RAP2C: variants seen among roughly 807,000 people sequenced by gnomAD.
RAP2C encodes the protein ras-related protein Rap-2c.
In RAP2C, 3 loss-of-function variants were observed where a neutral mutation model predicts 8.9. The ratio of observed to expected loss-of-function variants is 0.34; its 90% CI spans 0.15 to 0.87. The LOEUF is 0.87. Ranked by LOEUF, RAP2C falls within the 40% of genes least tolerant of loss-of-function variation. The pLI is 0.51. For synonymous variants in RAP2C, 60 were observed against 52.1 expected, an observed-to-expected ratio of 1.15 and a Z score of -0.65; for missense variants, 76 against 133.7, an observed-to-expected ratio of 0.57 and a Z score of 2.13.
Position 132,217,254 on chromosome X carries a change from C to G in RAP2C, c.15G>C (p.Lys5Asn), listed in dbSNP as rs770378656. ...CCCCTCCACTCCCTAACACCACTAC[C>G]TTGTATTCCCTCATGAGTCTCACCT... is the stretch of plus-strand genomic sequence containing the variant. Reference protein sequence around the residue: MREYKVVVLGSGGVG... With the variant: MREYNVVVLGSGGVG... Residue 5 changes from lysine (K) to asparagine (N), a missense_variant, in exon 4 of 6, where the codon AAG becomes AAC. Transcript: ENST00000370874. 1 of 1,118,658 alleles carries G rather than the reference C, an allele frequency of 8.9e-7. No individual in the cohort carries two copies. Among genetic ancestry groups the G allele is most frequent in the East Asian group, 3.2e-5 (1 of 30,919 alleles). 92.2% of individuals were successfully genotyped at this position (1,118,658 alleles called of 1,213,427 possible).
intron 5 of RAP2C, among the ~76,000 whole-genome samples, chrX:132,212,056 A>T (rs1432041661): frequency 9.1e-6 from 1 of 110,447 alleles, no homozygotes; most frequent in Non-Finnish European, 1.9e-5. Context: ...AAAAAAAAAA[A>T]ACCTGCATAT....
Position 132,217,095 on chromosome X carries a change from G to A in RAP2C, c.174C>T (p.Thr58=), listed in dbSNP as rs764363956. The A allele has an allele frequency of 3.3e-6, 4 of 1,199,820 alleles. No individual in the cohort carries two copies. The highest frequency in any genetic ancestry group is 4.5e-6 in the Non-Finnish European group (4 of 889,983). ...SSPSVLEILD[T]AGTEQFASMR... is the part of the protein sequence containing the mutation. The stretch of plus-strand genomic sequence containing the variant: ...TGGAGGCAAACTGCTCAGTTCCTGC[G>A]GTGTCCAGAATTTCCAGCACGGAGG... Residue 58 remains threonine, a synonymous_variant, in exon 4 of 6, where the codon ACC becomes ACT. Coordinates refer to ENST00000370874, the MANE Select transcript of RAP2C (RefSeq NM_001271186.2).
chrX:132,208,141 T>C (rs1930324571), intron 5 of RAP2C, among the ~76,000 whole-genome samples: 2 of 111,464 alleles, frequency 1.8e-5, no homozygotes, highest in Non-Finnish European at 3.8e-5. Context: ...AGATCATTAT[T>C]TATGTCAGCC....
intron 5 of RAP2C, 47 bp downstream of exon 5, chrX:132,214,086 CA>C: frequency 9.4e-7 from 1 of 1,062,645 alleles, no homozygotes. Context: ...TTTACTTGAT[CA>C]AAAAACAAAA....
In RAP2C at chrX:132,206,414, T is replaced by C. The variant is rs1193872972; in HGVS notation, c.*35-827A>G. Among the ~76,000 whole-genome samples, 10 of 111,940 alleles carry C rather than the reference T, an allele frequency of 8.9e-5. No homozygotes were observed. The Admixed American group carries it at 9.5e-4, about 11-fold the overall frequency. On this transcript the variant is annotated intron_variant, in intron 5 of 5. Transcript: ENST00000370874. Reference sequence around the variant, plus strand: ...TCTTATAGCGTACAGATTTCTGCCCTTCCAGCTAATACTAGGGAAAAAAAA... The same window carrying C: ...TCTTATAGCGTACAGATTTCTGCCCCTCCAGCTAATACTAGGGAAAAAAAA...
chrX:132,219,144 G>A (rs1930779314), intron 1 of RAP2C, among the ~76,000 whole-genome samples: 1 of 111,843 alleles, frequency 8.9e-6, no homozygotes, highest in South Asian at 3.7e-4. Flanking sequence ...TGTATTTTAG[G>A]TGTGTCACTT....
intron 5 of RAP2C, among the ~76,000 whole-genome samples, chrX:132,213,155 C>G (rs754797411): frequency 7.4e-4 from 83 of 111,667 alleles, no homozygotes; most frequent in Non-Finnish European, 1.3e-3. Flanking sequence ...TCAGGAAGAT[C>G]AATTTCATTC....
At chrX:132,214,543 G>T (rs1307881146) in intron 4 of RAP2C, 97 bp from the exon 5 acceptor site, 1 of 1,091,371 alleles carries the variant, frequency 9.2e-7, no homozygotes, top group East Asian at 3.3e-5. Context: ...ACCTCAGTGA[G>T]TATACAAAGC....
At chrX:132,205,840 ATAT>A (rs1442845600) in intron 5 of RAP2C, among the ~76,000 whole-genome samples, 7 of 110,808 alleles carry the variant, frequency 6.3e-5, no homozygotes, top group African/African-American at 2.0e-4. Context: ...TATTTCTATA[ATAT>A]TATTATGCCT....
intron 5 of RAP2C, among the ~76,000 whole-genome samples, chrX:132,211,482 C>A (rs1350203112): frequency 1.8e-5 from 2 of 111,420 alleles, no homozygotes; most frequent in Non-Finnish European, 3.8e-5. Context: ...AGCACTTGAT[C>A]ATACGCTCCT....
At chrX:132,209,509 C>G (rs924369212) in intron 5 of RAP2C, among the ~76,000 whole-genome samples, 2 of 112,117 alleles carry the variant, frequency 1.8e-5, no homozygotes, top group East Asian at 5.6e-4. Flanking sequence ...GTTTTTCTAA[C>G]AGCTGACAGG....
At chrX:132,219,171 A>G (rs1930780053) in intron 1 of RAP2C, among the ~76,000 whole-genome samples, 199 bp downstream of exon 1, 2 of 112,004 alleles carry the variant, frequency 1.8e-5, no homozygotes, top group South Asian at 7.4e-4. Context: ...CAATTCAAGC[A>G]TGTACCCAGA....
chrX:132,205,709 G>C, intron 5 of RAP2C, 122 bp from the exon 6 acceptor site: 2 of 110,987 alleles, frequency 1.8e-5, no homozygotes, highest in South Asian at 7.7e-4. Context: ...AGTTAAAGTA[G>C]AAAGTTAATT....
rs1930242514 is a variant in RAP2C, at chrX:132,205,328, C to A, written c.*294G>T. ...AATCAATTAAAATATTAAAAATTAA[C>A]CCTTGTATATTAGCCATCAATAAGA... On this transcript the variant is annotated 3_prime_UTR_variant, in exon 6 of 6. Coordinates refer to ENST00000370874, the MANE Select transcript of RAP2C (RefSeq NM_001271186.2). 8.9e-6 allele frequency: 1 copy of A among 111,885 alleles called. No homozygotes were observed. Among genetic ancestry groups the A allele is most frequent in the Non-Finnish European group, 1.9e-5 (1 of 53,119 alleles). The allele number at this position is 111,885 out of a possible 1,213,427, so 9.2% of individuals were successfully genotyped here. A position where few individuals can be genotyped will look rare whatever the true frequency, so the allele number is the denominator to read the frequency against.
Position 132,217,132 on chromosome X carries a change from A to C in RAP2C, c.137T>G (p.Val46Gly). The C allele has an allele frequency of 8.3e-7, 1 of 1,204,708 alleles. No individual in the cohort carries two copies. The highest frequency in any genetic ancestry group is 1.1e-6 in the Non-Finnish European group (1 of 892,340). Residue 46 changes from valine to glycine, a missense_variant, in exon 4 of 6, where the codon GTG becomes GGG. Physicochemically the swap from Val to Gly is moderately radical, Grantham distance 109. Transcript: ENST00000370874. ...IEDFYRKEIE[V>G]DSSPSVLEIL... is the part of the protein sequence containing the mutation. ...TTCCAGCACGGAGGGGGAAGAGTCC[A>C]CTTCGATCTCTTTGCGGTAGAAATC...
Position 132,219,402 on chromosome X carries a change from C to G in RAP2C, c.-778G>C, listed in dbSNP as rs756437565. On this transcript the variant is annotated 5_prime_UTR_variant, in exon 1 of 6. Transcript: ENST00000370874. ...AAAGGAGAGTTTAGTTCAATTTCTC[C>G]TTGACCTCAGGCCGGTGCCATCTCT... 1.8e-5 allele frequency: 2 copies of G among 112,261 alleles called. No individual in the cohort carries two copies. The highest frequency in any genetic ancestry group is 3.8e-5 in the Non-Finnish European group (2 of 53,285). The allele number at this position is 112,261 out of a possible 1,213,427, so 9.3% of individuals were successfully genotyped here. A position where few individuals can be genotyped will look rare whatever the true frequency, so the allele number is the denominator to read the frequency against.
chrX:132,212,428 A>T (rs775976888), intron 5 of RAP2C, among the ~76,000 whole-genome samples: 11 of 112,024 alleles, frequency 9.8e-5, no homozygotes, highest in Non-Finnish European at 2.1e-4. Context: ...GTTCAAAAAT[A>T]GCTTTAGAAA....
chrX:132,210,496 C>T (rs964869355), intron 5 of RAP2C, among the ~76,000 whole-genome samples: 10 of 111,752 alleles, frequency 8.9e-5, no homozygotes, highest in Non-Finnish European at 3.8e-5. Context: ...AAATGACGTG[C>T]TAGTCTTGAA....
At chrX:132,210,272 C>T (rs1162050800) in intron 5 of RAP2C, among the ~76,000 whole-genome samples, 1 of 110,759 alleles carries the variant, frequency 9.0e-6, no homozygotes, top group African/African-American at 3.3e-5. Context: ...TTTGCTAAAC[C>T]CCCAGCATAC....
Sources: gnomAD v4.1 joint callset for allele counts (sites outside exome capture counted in the v4.1 genomes callset) on GRCh38, gnomAD v4.1.1 for gene constraint, MANE v1.5 for transcripts, NCBI Gene and HGNC (gene_info 2026-07-23, HGNC 2026-07-21) for gene names.